The following ZNF100 variants were observed in gnomAD, a reference collection of about 807,000 sequenced individuals.
The protein encoded by ZNF100 is zinc finger protein 100.
A neutral mutation model predicts 15.8 loss-of-function variants in ZNF100; 12 were observed. The observed-to-expected ratio is 0.76, with a 90% confidence interval of 0.49 to 1.23. The LOEUF is 1.23. Among genes scored for constraint, ZNF100 ranks in the 50% most tolerant of loss-of-function variants. ZNF100 has a pLI of 0.00. For synonymous variants in ZNF100, 226 were observed against 214.8 expected (o/e 1.05, Z -0.45); for missense variants, 670 against 635.6 (o/e 1.05, Z -0.58).
chr19:21,764,898 T>C (rs1439246691), intron 2 of ZNF100, among the ~76,000 whole-genome samples: 2 of 152,134 alleles, frequency 1.3e-5, no homozygotes, highest in Non-Finnish European at 2.9e-5. Flanking sequence ...ACTCACCAAT[T>C]ATCCACCACA....
At chr19:21,752,929 T>C (rs1352251742) in intron 2 of ZNF100, 2 of 152,242 alleles carry the variant, frequency 1.3e-5, no homozygotes, top group Non-Finnish European at 2.9e-5. Flanking sequence ...AGCCTAGAAC[T>C]TCCTGGCTTC....
chr19:21,733,992 TA>T (rs1229652005), intron 4 of ZNF100, among the ~76,000 whole-genome samples: 1 of 152,134 alleles, frequency 6.6e-6, no homozygotes, highest in Non-Finnish European at 1.5e-5. Context: ...GCCTGACTGT[TA>T]AAGGAAAAAC....
At chr19:21,733,407 T>G (rs1277950375) in intron 4 of ZNF100, among the ~76,000 whole-genome samples, 1 of 152,138 alleles carries the variant, frequency 6.6e-6, no homozygotes, top group Non-Finnish European at 1.5e-5. Context: ...TTATGTAATC[T>G]GTTTTTCAAT....
chr19:21,733,526 T>G (rs991572139), intron 4 of ZNF100, among the ~76,000 whole-genome samples: 19 of 152,104 alleles, frequency 1.2e-4, no homozygotes, highest in African/African-American at 4.3e-4. Flanking sequence ...AAACAAAAAT[T>G]AAGGTAGTAA....
intron 2 of ZNF100, chr19:21,752,458 A>G (rs2036324423): frequency 6.6e-6 from 1 of 152,658 alleles, no homozygotes; most frequent in Non-Finnish European, 1.5e-5. Context: ...GCTGCTAGTC[A>G]TTGGCAATCA....
intron 2 of ZNF100, among the ~76,000 whole-genome samples, chr19:21,757,543 G>A (rs2036410912): frequency 6.6e-6 from 1 of 152,220 alleles, no homozygotes; most frequent in Non-Finnish European, 1.5e-5. Context: ...ATTGTGAAAA[G>A]CAGTGTGGCG....
rs770936151 is a variant in ZNF100 at position 21,726,772 on chromosome 19, T to G, written c.1540A>C (p.Lys514Gln). The G allele has an allele frequency of 1.2e-6, 2 of 1,613,744 alleles. No individual in the cohort carries two copies. Among genetic ancestry groups the G allele is most frequent in the Non-Finnish European group, 8.5e-7 (1 of 1,179,760 alleles). ...AAGTCTTTACCACATTCTTCCCATT[T>G]GTAAGATTTCTCTCCAGTATGAGTT... is the stretch of plus-strand genomic sequence containing the variant. ...KITHTGEKSY[K>Q]WEECGKDFNQ... Residue 514 changes from lysine to glutamine, a missense_variant, in exon 5 of 5, where the codon AAA becomes CAA. By Grantham distance (53) the Lys-to-Gln change is moderately conservative (BLOSUM62 1). Coordinates refer to ENST00000358296, the MANE Select transcript of ZNF100 (RefSeq NM_173531.4).
intron 2 of ZNF100, among the ~76,000 whole-genome samples, chr19:21,754,028 G>A (rs1050373901): frequency 6.6e-6 from 1 of 152,156 alleles, no homozygotes; most frequent in African/African-American, 2.4e-5. Flanking sequence ...AAGGAGATTA[G>A]TGTTCTCAAT....
intron 1 of ZNF100, among the ~76,000 whole-genome samples, chr19:21,766,886 C>T (rs1418813344): frequency 2.0e-5 from 3 of 152,038 alleles, no homozygotes; most frequent in South Asian, 4.1e-4. Flanking sequence ...CCCAGTTACT[C>T]GGGAGGCTGA....
intron 2 of ZNF100, among the ~76,000 whole-genome samples, chr19:21,758,236 A>C (rs1599405066): frequency 6.6e-6 from 1 of 152,102 alleles, no homozygotes; most frequent in East Asian, 1.9e-4. Context: ...AAATAATAAG[A>C]ACACATGGAC....
intron 2 of ZNF100, among the ~76,000 whole-genome samples, chr19:21,763,343 T>C (rs1211995465): frequency 6.6e-6 from 1 of 152,034 alleles, no homozygotes; most frequent in Admixed American, 6.6e-5. Context: ...ATGCCTGTAA[T>C]CCCAGCACTT....
chr19:21,739,996 A>G (rs1284798365), intron 4 of ZNF100, among the ~76,000 whole-genome samples: 4 of 152,216 alleles, frequency 2.6e-5, no homozygotes, highest in Non-Finnish European at 5.9e-5. Flanking sequence ...TATTCTTTAA[A>G]ATTTTTAAAT....
At chr19:21,742,254 G>C (rs1326711801) in intron 4 of ZNF100, among the ~76,000 whole-genome samples, 1 of 145,712 alleles carries the variant, frequency 6.9e-6, no homozygotes, top group Non-Finnish European at 1.5e-5. Flanking sequence ...CCGAGATTGC[G>C]CTATTGCACT....
In ZNF100 at chr19:21,730,255, G is replaced by A. The variant is rs151109356; in HGVS notation, c.323-2266C>T. On this transcript the variant is annotated intron_variant, in intron 4 of 4. Coordinates refer to ENST00000358296, the MANE Select transcript of ZNF100 (RefSeq NM_173531.4). ...GAGATCTATTGATTAAAAAAAAACTGAAAGTGGCAAGATGGATGTAGATAT... is the reference window on the plus strand; with the variant it reads ...GAGATCTATTGATTAAAAAAAAACTAAAAGTGGCAAGATGGATGTAGATAT... 2.0e-3 allele frequency among the ~76,000 whole-genome samples: 305 copies of A among 151,898 alleles called. 3 individuals carry two copies. The highest frequency in any genetic ancestry group is 7.1e-3 in the African/African-American group (294 of 41,448).
chr19:21,761,987 C>T (rs2036490885), intron 2 of ZNF100, among the ~76,000 whole-genome samples: 1 of 152,120 alleles, frequency 6.6e-6, no homozygotes, highest in Non-Finnish European at 1.5e-5. Flanking sequence ...GAGACCAAGG[C>T]AGGCAGATCA....
intron 4 of ZNF100, among the ~76,000 whole-genome samples, chr19:21,734,795 A>C (rs1259878233): frequency 1.2e-4 from 19 of 152,212 alleles, no homozygotes; most frequent in Non-Finnish European, 2.8e-4. Context: ...AAAAATGATA[A>C]GGACAGCCAA....
intron 4 of ZNF100, among the ~76,000 whole-genome samples, chr19:21,736,131 A>G (rs2036004896): frequency 6.6e-6 from 1 of 151,702 alleles, no homozygotes; most frequent in East Asian, 1.9e-4. Context: ...TCTGTTGCCC[A>G]TGCTAGAGTG....
rs115218875 is a variant in ZNF100, at chr19:21,722,783, A to G, written c.*3900T>C. On this transcript the variant is annotated 3_prime_UTR_variant, in exon 5 of 5. Coordinates refer to ENST00000358296, the MANE Select transcript of ZNF100 (RefSeq NM_173531.4). ...AAAAATTATGTTATACTTTTATTAT[A>G]TAAGTATATATTTTAATAAAAGTAT... The G allele has an allele frequency of 2.8e-5, 4 of 142,266 alleles. No individual in the cohort carries two copies. Among genetic ancestry groups the G allele is most frequent in the African/African-American group, 5.7e-5 (2 of 34,976 alleles). The allele number at this position is 142,266 out of a possible 1,614,324, so 8.8% of individuals were successfully genotyped here.
At chr19:21,751,313 G>A (rs2036303222) in intron 2 of ZNF100, 1 of 903,150 alleles carries the variant, frequency 1.1e-6, no homozygotes, top group Non-Finnish European at 1.9e-6. Flanking sequence ...GAACAGAGAT[G>A]CAAACAGATC....
Sources: allele counts gnomAD v4.1 joint callset (sites outside exome capture counted in the v4.1 genomes callset), GRCh38; gene constraint gnomAD v4.1.1; transcripts MANE v1.5; gene names NCBI Gene and HGNC (gene_info 2026-07-23, HGNC 2026-07-21).